ADH1B: variants seen among roughly 807,000 people sequenced by gnomAD.
The protein encoded by ADH1B is all-trans-retinol dehydrogenase [NAD(+)] ADH1B.
ADH1B carries 29 observed loss-of-function variants against 34.6 expected under a neutral mutation model. That is an observed-to-expected ratio of 0.84 (90% CI 0.62 to 1.14). The LOEUF (loss-of-function observed/expected upper bound fraction) is 1.14. Ranked by LOEUF, ADH1B falls within the 50% of genes most tolerant of loss-of-function variation. The pLI is 0.00. For synonymous variants in ADH1B, 170 were observed against 175.5 expected (o/e 0.97, Z 0.25); for missense variants, 424 against 468.4 (o/e 0.91, Z 0.87).
In ADH1B at chr4:99,307,822, G is replaced by A. The variant is rs763273083; in HGVS notation, c.*18C>T. 1 of 1,613,420 alleles carries A rather than the reference G, an allele frequency of 6.2e-7. No individual in the cohort carries two copies. Among genetic ancestry groups the A allele is most frequent in the South Asian group, 1.1e-5 (1 of 91,064 alleles). ...GAGGAGGCTGAAGACTGCTACAGGG[G>A]AAGGCATCTCTATTGCCTCAAAACG... On this transcript the variant is annotated 3_prime_UTR_variant, in exon 9 of 9. Transcript: ENST00000305046.
At chr4:99,317,647 C>A in intron 3 of ADH1B, 1 of 190,394 alleles carries the variant, frequency 5.3e-6, no homozygotes, top group Non-Finnish European at 1.1e-5. Context: ...AGAACAGTTT[C>A]CACATTTACT....
chr4:99,318,834 A>G lies in ADH1B; in HGVS notation c.71T>C (p.Ile24Thr), dbSNP rs750301947. ...AGGAGGTGCAACCTCCACATCCTCA[A>G]TGGAAAAGGGTTTCTTTACCTCCCA... ...VLWEVKKPFS[I>T]EDVEVAPPKA... is the part of the protein sequence containing the mutation. Residue 24 changes from isoleucine to threonine, a missense_variant, in exon 2 of 9, where the codon ATT (isoleucine) becomes ACT (threonine). By Grantham distance (89) the Ile-to-Thr change is moderately conservative. Transcript: ENST00000305046. The G allele has an allele frequency of 1.9e-6, 3 of 1,613,968 alleles. No individual in the cohort carries two copies. Among genetic ancestry groups the G allele is most frequent in the South Asian group, 1.1e-5 (1 of 91,072 alleles).
chr4:99,314,133 G>T (rs753698775), intron 5 of ADH1B, 52 bp from the exon 6 acceptor site: 45 of 1,596,856 alleles, frequency 2.8e-5, no homozygotes, highest in Middle Eastern at 1.7e-4. Context: ...GTTAGAAAGT[G>T]CCTAAGCTTC....
At position 99,305,314 on chromosome 4, in the gene ADH1B, CTTTA is replaced by C. The variant is rs909998898; in HGVS notation, c.*2522_*2525del. 3.4e-5 allele frequency: 5 copies of C among 148,922 alleles called. No homozygotes were observed. The highest frequency in any genetic ancestry group is 5.0e-5 in the African/African-American group (2 of 40,288). 9.2% of individuals were successfully genotyped at this position (148,922 alleles called of 1,614,324 possible). ...ATATTATTGAAGTCACCCCCCCCCA[CTTTA>C]TTTGTTTTCATATATCATGAGAAGT... is the stretch of plus-strand genomic sequence containing the variant. On this transcript the variant is annotated 3_prime_UTR_variant, in exon 9 of 9. Coordinates refer to ENST00000305046, the MANE Select transcript of ADH1B (RefSeq NM_000668.6).
chr4:99,312,280 A>T (rs1733772233), intron 6 of ADH1B, among the ~76,000 whole-genome samples: 1 of 152,228 alleles, frequency 6.6e-6, no homozygotes, highest in Non-Finnish European at 1.5e-5. Context: ...TGTGGCTGTC[A>T]GACACTTGGT....
chr4:99,317,760 A>G, intron 3 of ADH1B: 1 of 401,076 alleles, frequency 2.5e-6, no homozygotes, highest in South Asian at 4.5e-5. Flanking sequence ...CCACACTGGT[A>G]GGCACTGTGT....
In ADH1B at chr4:99,321,318, C is replaced by T. The variant is rs1353041149; in HGVS notation, c.14G>A (p.Gly5Glu). The part of the protein sequence containing the change: MSTA[G>E]KVIKCKAAVL... ...AGTAATATATTTTTTGCTTACTTTT[C>T]CTGCTGTGCTCATGTCGTTTCTGTC... The change falls in exon 1 of 9, where the codon GGA (glycine) becomes GAA (glutamate). Residue 5 changes from glycine to glutamate, a missense_variant. Transcript: ENST00000305046. 2 of 1,611,236 alleles carry T rather than the reference C, an allele frequency of 1.2e-6. No homozygotes were observed. Among genetic ancestry groups the T allele is most frequent in the South Asian group, 1.1e-5 (1 of 91,032 alleles).
Position 99,307,589 on chromosome 4 carries a change from G to C in ADH1B, c.*251C>G. ...ATGGCAAAGGTGACACAGTAGAATG[G>C]TTAAGAAGGAAGGTTTGTTGGCTTC... On this transcript the variant is annotated 3_prime_UTR_variant, in exon 9 of 9. Transcript: ENST00000305046. 1.9e-6 allele frequency: 1 copy of C among 538,738 alleles called. No individual in the cohort carries two copies. The highest frequency in any genetic ancestry group is 3.3e-6 in the Non-Finnish European group (1 of 302,556). The allele number at this position is 538,738 out of a possible 1,614,324, so 33.4% of individuals were successfully genotyped here.
In ADH1B at chr4:99,316,163, A is replaced by G. The variant is rs1249748631; in HGVS notation, c.348-46T>C. The G allele has an allele frequency of 2.5e-6, 4 of 1,614,012 alleles. No homozygotes were observed. In the African/African-American group the frequency reaches 5.3e-5, roughly 22 times the overall value. ...ACACACAAAGGCATGAGACAGGAGCATAAGTAATGTGCAAACTCAAAGTCT... is the reference window on the plus strand; with the variant it reads ...ACACACAAAGGCATGAGACAGGAGCGTAAGTAATGTGCAAACTCAAAGTCT... On this transcript the variant is annotated intron_variant, in intron 4 of 8. Coordinates refer to ENST00000305046, the MANE Select transcript of ADH1B (RefSeq NM_000668.6).
intron 1 of ADH1B, chr4:99,320,774 T>C (rs918676115): frequency 8.9e-7 from 1 of 1,121,976 alleles, no homozygotes; most frequent in East Asian, 7.3e-5. Flanking sequence ...AGAATTTGCA[T>C]GTTGATGTCT....
intron 6 of ADH1B, chr4:99,313,528 A>G: frequency 2.5e-6 from 1 of 402,446 alleles, no homozygotes; most frequent in Non-Finnish European, 4.3e-6. Flanking sequence ...TGTTTACTTG[A>G]ACTTATATTT....
rs1031659361 is a variant in ADH1B, at chr4:99,315,770, C to T, written c.567+128G>A. 3.5e-6 allele frequency: 4 copies of T among 1,158,216 alleles called. No homozygotes were observed. In the African/African-American group the frequency reaches 4.6e-5, roughly 13 times the overall value. The allele number at this position is 1,158,216 out of a possible 1,614,324, so 71.7% of individuals were successfully genotyped here. ...CATGTGTACTCAATTCTTTCTGGGC[C>T]ATTTTTCTACTCATAATCGACACTT... is the stretch of plus-strand genomic sequence containing the variant. On this transcript the variant is annotated intron_variant, in intron 5 of 8. Transcript: ENST00000305046.
chr4:99,310,906 G>A lies in ADH1B; in HGVS notation c.965-3C>T. ...GATACCTTCTTTACTCTTAAAGCCTGAAAAGAAGACAGTATCATTGTTGGA... is the reference window on the plus strand; with the variant it reads ...GATACCTTCTTTACTCTTAAAGCCTAAAAAGAAGACAGTATCATTGTTGGA... On this transcript the variant is annotated splice_polypyrimidine_tract_variant and splice_region_variant and intron_variant, in intron 7 of 8. Transcript: ENST00000305046. The A allele has an allele frequency of 4.3e-6, 7 of 1,611,898 alleles. No individual in the cohort carries two copies. Among genetic ancestry groups the A allele is most frequent in the African/African-American group, 1.3e-5 (1 of 74,888 alleles).
At chr4:99,309,840 A>G (rs1733705116) in intron 8 of ADH1B, among the ~76,000 whole-genome samples, 1 of 151,928 alleles carries the variant, frequency 6.6e-6, no homozygotes, top group South Asian at 2.1e-4. Flanking sequence ...GAATCACAGG[A>G]GATAATGCAG....
chr4:99,310,722 T>C lies in ADH1B; in HGVS notation c.1103+43A>G, dbSNP rs773592237. On this transcript the variant is annotated intron_variant, in intron 8 of 8. Coordinates refer to ENST00000305046, the MANE Select transcript of ADH1B (RefSeq NM_000668.6). ...TCATTCTCTGCTAGACAATCCCCTATGGTAGAAAAAAAAGCAAAACAGAAA... is the reference window on the plus strand; with the variant it reads ...TCATTCTCTGCTAGACAATCCCCTACGGTAGAAAAAAAAGCAAAACAGAAA... 3.7e-5 allele frequency: 59 copies of C among 1,591,238 alleles called. No individual in the cohort carries two copies. In the East Asian group the frequency reaches 9.2e-4, roughly 25 times the overall value.
In ADH1B at chr4:99,321,392, T is replaced by A. The variant is rs1178375780; in HGVS notation, c.-61A>T. 1.9e-6 allele frequency: 3 copies of A among 1,542,416 alleles called. No homozygotes were observed. The highest frequency in any genetic ancestry group is 2.7e-6 in the Non-Finnish European group (3 of 1,117,784). ...GAGTCTTTGTGGATTTCTTCTCTGC[T>A]TGAGTGCATAAAGCAGATATATTGC... On this transcript the variant is annotated 5_prime_UTR_variant, in exon 1 of 9. The change creates a new upstream start codon in the 5' untranslated region. Transcript: ENST00000305046.
intron 6 of ADH1B, among the ~76,000 whole-genome samples, chr4:99,312,168 T>C (rs1012994054): frequency 1.3e-5 from 2 of 152,208 alleles, no homozygotes; most frequent in Non-Finnish European, 2.9e-5. Context: ...TCTTGGAACA[T>C]GTTCTGTAGT....
chr4:99,316,761 G>A (rs1733895805), intron 3 of ADH1B: 1 of 152,198 alleles, frequency 6.6e-6, no homozygotes, highest in Admixed American at 6.5e-5. Context: ...CAATAAATAT[G>A]AGAATTTTTA....
In ADH1B at chr4:99,310,888, T is replaced by C. The variant is rs972503312; in HGVS notation, c.980A>G (p.Glu327Gly). 6.2e-7 allele frequency: 1 copy of C among 1,613,328 alleles called. No homozygotes were observed. The highest frequency in any genetic ancestry group is 8.5e-7 in the Non-Finnish European group (1 of 1,179,668). ...ATCAGCCACAAGTTTTGGGATACCT[T>C]CTTTACTCTTAAAGCCTGAAAAGAA... The part of the protein sequence containing the change: ...GAVYGGFKSK[E>G]GIPKLVADFM... Residue 327 changes from glutamate (E) to glycine (G), a missense_variant, in exon 8 of 9, where the codon GAA becomes GGA. Glu to Gly is a moderately conservative substitution (Grantham distance 98). Around this residue, in one of 3 missense-constraint regions of ADH1B, gnomAD observed 130 missense variants for 151.8 expected, o/e 0.86. Transcript: ENST00000305046.
Sources: gnomAD v4.1 joint callset for allele counts (sites outside exome capture counted in the v4.1 genomes callset) on GRCh38, gnomAD v4.1.1 for gene constraint, gnomAD v4.1.1 regional missense constraint, MANE v1.5 for transcripts, NCBI Gene and HGNC (gene_info 2026-07-23, HGNC 2026-07-21) for gene names.